NFATC2: variants seen among roughly 807,000 people sequenced by gnomAD.
The protein encoded by NFATC2 is nuclear factor of activated T-cells, cytoplasmic 2.
NFATC2 carries 22 observed loss-of-function variants against 87.3 expected under a neutral mutation model. The ratio of observed to expected loss-of-function variants is 0.25; its 90% CI spans 0.18 to 0.36. The LOEUF (loss-of-function observed/expected upper bound fraction) is 0.36. NFATC2 is among the 10% of genes least tolerant of loss of function. The pLI is 1.00. For synonymous variants in NFATC2, 565 were observed against 542.2 expected (o/e 1.04, Z -0.58); for missense variants, 1,149 against 1,259.1 (o/e 0.91, Z 1.32).
chr20:51,516,154 A>G (rs2076347137), intron 3 of NFATC2, among the ~76,000 whole-genome samples: 1 of 152,160 alleles, frequency 6.6e-6, no homozygotes, highest in Non-Finnish European at 1.5e-5. Context: ...ATCTGAGGTT[A>G]AATCAAAAGC....
intron 3 of NFATC2, among the ~76,000 whole-genome samples, chr20:51,488,863 T>G (rs1010775160): frequency 6.6e-6 from 1 of 152,088 alleles, no homozygotes; most frequent in Non-Finnish European, 1.5e-5. Context: ...CTTCCCTACT[T>G]AAAATCCCCC....
At chr20:51,439,347 G>C (rs1011188809) in intron 6 of NFATC2, among the ~76,000 whole-genome samples, 55 of 152,340 alleles carry the variant, frequency 3.6e-4, no homozygotes, top group African/African-American at 1.3e-3. Context: ...AGAGAGGCAA[G>C]AGCACAGGCC....
chr20:51,391,469 AGG>A lies in NFATC2; in HGVS notation c.*45-20_*45-19del, dbSNP rs3830840. ...TTCATTAACTACAAAAGAAAAGAGG[AGG>A]GGGGGGGAGAGAGAATGGGGCAAGT... is the stretch of plus-strand genomic sequence containing the variant. On this transcript the variant is annotated intron_variant, in intron 10 of 10. Coordinates refer to ENST00000371564, the MANE Select transcript of NFATC2 (RefSeq NM_012340.5). 152 of 1,087,926 alleles carry A rather than the reference AGG, an allele frequency of 1.4e-4. No homozygotes were observed. The highest frequency in any genetic ancestry group is 1.1e-3 in the African/African-American group (61 of 57,568). The allele number at this position is 1,087,926 out of a possible 1,614,324, so 67.4% of individuals were successfully genotyped here. A position where few individuals can be genotyped will look rare whatever the true frequency, so the allele number is the denominator to read the frequency against.
chr20:51,434,354 C>G (rs1008134022), intron 8 of NFATC2, among the ~76,000 whole-genome samples: 2 of 152,198 alleles, frequency 1.3e-5, no homozygotes, highest in Non-Finnish European at 2.9e-5. Flanking sequence ...GTGATTGTCT[C>G]GAATTATAGG....
At position 51,432,683 on chromosome 20, in the gene NFATC2, C is replaced by T. The variant is rs780876340; in HGVS notation, c.2106G>A (p.Leu702=). 3 of 1,576,972 alleles carry T rather than the reference C, an allele frequency of 1.9e-6. No individual in the cohort carries two copies. Among genetic ancestry groups the T allele is most frequent in the South Asian group, 1.1e-5 (1 of 86,998 alleles). The change falls in exon 9 of 11, where the codon CTG becomes CTA. Residue 702 remains leucine, a synonymous_variant. Coordinates refer to ENST00000371564, the MANE Select transcript of NFATC2 (RefSeq NM_012340.5). The surrounding 1 kb of genome is among the most constrained non-coding windows in gnomAD (Gnocchi z 4.6). Reference sequence around the variant, plus strand: ...GCTGGGGGTAGTAAGGCTGGCTCCCCAGGCCTCCATGGGTGGGGCTGCAGA... The same window carrying T: ...GCTGGGGGTAGTAAGGCTGGCTCCCTAGGCCTCCATGGGTGGGGCTGCAGA... The part of the protein sequence containing the change: ...TLICSPTHGG[L]GSQPYYPQHP...
intron 1 of NFATC2, among the ~76,000 whole-genome samples, chr20:51,536,725 C>T (rs756227332): frequency 1.3e-5 from 2 of 152,194 alleles, no homozygotes; most frequent in Non-Finnish European, 2.9e-5. Context: ...AAGGCCGATG[C>T]TCAGTTCTAG....
At chr20:51,522,461 G>A (rs929228650) in intron 2 of NFATC2, among the ~76,000 whole-genome samples, 4 of 152,174 alleles carry the variant, frequency 2.6e-5, no homozygotes, top group Non-Finnish European at 4.4e-5. Context: ...GTGAGTGGCG[G>A]AGGCAGGACT....
intron 3 of NFATC2, among the ~76,000 whole-genome samples, chr20:51,497,811 C>T (rs552136235): frequency 6.6e-6 from 1 of 152,148 alleles, no homozygotes; most frequent in Admixed American, 6.5e-5. Context: ...CAGAAAGGGA[C>T]CCGGGACCCC....
At position 51,387,983 on chromosome 20, in the gene NFATC2, G is replaced by A. The variant is rs1483014629; in HGVS notation, c.*3513C>T. ...CTCTGCCCAAGACTGGCTCACTGAG[G>A]CGTCTTGGCTACTGGATGTAAACAA... On this transcript the variant is annotated 3_prime_UTR_variant, in exon 11 of 11. Transcript: ENST00000371564. The A allele has an allele frequency of 6.6e-6, 1 of 151,518 alleles. No homozygotes were observed. Among genetic ancestry groups the A allele is most frequent in the African/African-American group, 2.4e-5 (1 of 41,174 alleles). The allele number at this position is 151,518 out of a possible 1,614,324, so 9.4% of individuals were successfully genotyped here. A position where few individuals can be genotyped will look rare whatever the true frequency, so the allele number is the denominator to read the frequency against.
chr20:51,529,379 C>T (rs925527765), intron 1 of NFATC2, among the ~76,000 whole-genome samples: 1 of 151,258 alleles, frequency 6.6e-6, no homozygotes, highest in Non-Finnish European at 1.5e-5. Flanking sequence ...TTCCTCTTGA[C>T]AAGACTTTAA....
intron 3 of NFATC2, among the ~76,000 whole-genome samples, chr20:51,494,596 G>A (rs918113015): frequency 6.6e-6 from 1 of 152,084 alleles, no homozygotes; most frequent in African/African-American, 2.4e-5. Context: ...TCCTAGGGCT[G>A]AGAACCCACG....
chr20:51,551,436 C>A (rs904782195), intron 1 of NFATC2, among the ~76,000 whole-genome samples: 2 of 152,092 alleles, frequency 1.3e-5, no homozygotes. Context: ...CAGGGTCCCA[C>A]TCAGTCACCC....
In NFATC2 at chr20:51,457,400, C is replaced by T. The variant is rs73269976; in HGVS notation, c.1709-2712G>A. Among the ~76,000 whole-genome samples the T allele has an allele frequency of 7.1e-3, 1,078 of 152,312 alleles. 17 individuals carry two copies. The highest frequency in any genetic ancestry group is 0.024 in the African/African-American group (1,006 of 41,576). On this transcript the variant is annotated intron_variant, in intron 5 of 10. Coordinates refer to ENST00000371564, the MANE Select transcript of NFATC2 (RefSeq NM_012340.5). ...TGGGGACTGGAAGGGGCTGCAAGCT[C>T]TCAGTGCTGGGCGGGAGGCTGGCGC...
In NFATC2 at chr20:51,523,863, C is replaced by A. The variant is rs992038642; in HGVS notation, c.378G>T (p.Gly126=). ...TPSHELIQAV[G]PLRMRDAGLL... ...GGCCCGCGTCTCTCATGCGGAGGGG[C>A]CCCACTGCCTGGATCAGTTCGTGGG... Residue 126 remains glycine, a synonymous_variant, in exon 2 of 11, where the codon GGG becomes GGT. Transcript: ENST00000371564. The surrounding 1 kb of genome is among the most constrained non-coding windows in gnomAD (Gnocchi z 6.9). 3 of 1,609,434 alleles carry A rather than the reference C, an allele frequency of 1.9e-6. No homozygotes were observed. The highest frequency in any genetic ancestry group is 2.7e-5 in the African/African-American group (2 of 74,690).
At chr20:51,397,673 T>G (rs540641231) in intron 10 of NFATC2, among the ~76,000 whole-genome samples, 1 of 152,264 alleles carries the variant, frequency 6.6e-6, no homozygotes, top group South Asian at 2.1e-4. Flanking sequence ...CAGTGGCAGA[T>G]GGCTGGAGAA....
At chr20:51,502,886 G>C (rs2076113711) in intron 3 of NFATC2, among the ~76,000 whole-genome samples, 1 of 152,106 alleles carries the variant, frequency 6.6e-6, no homozygotes, top group African/African-American at 2.4e-5. Flanking sequence ...GAGCCTACTT[G>C]GTTAAATAAA....
At chr20:51,505,681 T>A (rs530078165) in intron 3 of NFATC2, among the ~76,000 whole-genome samples, 1 of 152,282 alleles carries the variant, frequency 6.6e-6, no homozygotes, top group South Asian at 2.1e-4. Context: ...ACATCCCAGA[T>A]GCTTGGCCTT....
intron 5 of NFATC2, among the ~76,000 whole-genome samples, chr20:51,471,300 A>C (rs1988177102): frequency 6.6e-6 from 1 of 152,140 alleles, no homozygotes; most frequent in South Asian, 2.1e-4. Context: ...CAGAAAGGGG[A>C]GACCTTATCT....
intron 1 of NFATC2, among the ~76,000 whole-genome samples, chr20:51,561,192 C>T (rs1365294744): frequency 6.6e-6 from 1 of 151,730 alleles, no homozygotes; most frequent in Non-Finnish European, 1.5e-5. Context: ...AACTGGTACC[C>T]GTTAAAACGT....
Sources: gnomAD v4.1 joint callset for allele counts (sites outside exome capture counted in the v4.1 genomes callset) on GRCh38, gnomAD v4.1.1 for gene constraint, Gnocchi (gnomAD v3.1) non-coding constraint, MANE v1.5 for transcripts, NCBI Gene and HGNC (gene_info 2026-07-23, HGNC 2026-07-21) for gene names.